The following PLEKHG3 variants were observed in gnomAD, a reference collection of about 807,000 sequenced individuals.
The protein encoded by PLEKHG3 is pleckstrin homology and RhoGEF domain containing G3.
Under a neutral mutation model 94.9 loss-of-function variants are expected in PLEKHG3, and 62 were observed. That is an observed-to-expected ratio of 0.65 (90% CI 0.53 to 0.81). The LOEUF (loss-of-function observed/expected upper bound fraction) is 0.81, where lower values mean the gene tolerates loss of function less well. Ranked by LOEUF, PLEKHG3 falls within the 30% of genes least tolerant of loss-of-function variation. PLEKHG3 has a pLI of 0.00. For synonymous variants in PLEKHG3, 614 were observed against 654.0 expected (o/e 0.94, Z 0.93); for missense variants, 1,461 against 1,619.3 (o/e 0.90, Z 1.68).
chr14:64,711,513 A>G lies in PLEKHG3; in HGVS notation c.-40+6809A>G, dbSNP rs187524093. 1.3e-4 allele frequency among the ~76,000 whole-genome samples: 19 copies of G among 150,898 alleles called. No individual in the cohort carries two copies. The East Asian group carries it at 3.3e-3, about 26-fold the overall frequency. ...ACTGCAAGCTCCGTCTCCCGTGTTC[A>G]TGCCATTCTCCTGCCTCAGCCTCCC... On this transcript the variant is annotated intron_variant, in intron 1 of 16. Transcript: ENST00000247226.
chr14:64,742,847 T>G, intron 16 of PLEKHG3, 135 bp from the exon 17 acceptor site: 68 of 777,548 alleles, frequency 8.7e-5, no homozygotes, highest in Non-Finnish European at 1.4e-4. Context: ...GGATGGTAAG[T>G]GAGATTTCTC....
intron 1 of PLEKHG3, among the ~76,000 whole-genome samples, chr14:64,714,303 A>G (rs1186559433): frequency 6.6e-6 from 1 of 152,136 alleles, no homozygotes; most frequent in Non-Finnish European, 1.5e-5. Context: ...GGTAGAGGAA[A>G]AGACTGTTGG....
intron 14 of PLEKHG3, chr14:64,737,925 C>T: frequency 8.2e-7 from 1 of 1,218,046 alleles, no homozygotes; most frequent in South Asian, 1.5e-5. Context: ...GGGCCTGCAG[C>T]CAGAGGCTGA....
chr14:64,722,461 C>T lies in PLEKHG3; in HGVS notation c.-39-5132C>T, dbSNP rs768832446. ...TCTCAAACTCCTGACCAAAGGTGAT[C>T]CGCCCACCTCGGCCTCCCAAAGTGC... On this transcript the variant is annotated intron_variant, in intron 1 of 16. Transcript: ENST00000247226. This position sits in a 1 kb window ranked among gnomAD's most constrained non-coding sequence, Gnocchi z 4.3. Among the ~76,000 whole-genome samples, 1 of 152,170 alleles carries T rather than the reference C, an allele frequency of 6.6e-6. No homozygotes were observed. The highest frequency in any genetic ancestry group is 1.5e-5 in the Non-Finnish European group (1 of 68,034).
chr14:64,719,440 A>G (rs558408916), intron 1 of PLEKHG3, among the ~76,000 whole-genome samples: 47 of 152,146 alleles, frequency 3.1e-4, no homozygotes, highest in Non-Finnish European at 6.0e-4. Context: ...TCAGGTTGGC[A>G]GTATTACTGT....
At position 64,721,628 on chromosome 14, in the gene PLEKHG3, G is replaced by A. The variant is rs1054870662; in HGVS notation, c.-39-5965G>A. ...TGGCACAGCCTCTGCAGGCAGTCAC[G>A]TTGCTCACATGCACACAAAGTCACT... is the stretch of plus-strand genomic sequence containing the variant. On this transcript the variant is annotated intron_variant, in intron 1 of 16. Transcript: ENST00000247226. This position sits in a 1 kb window ranked among gnomAD's most constrained non-coding sequence, Gnocchi z 4.3. Among the ~76,000 whole-genome samples, 2 of 152,066 alleles carry A rather than the reference G, an allele frequency of 1.3e-5. No homozygotes were observed. The highest frequency in any genetic ancestry group is 2.9e-5 in the Non-Finnish European group (2 of 68,020).
At position 64,707,738 on chromosome 14, in the gene PLEKHG3, G is replaced by T. The variant is rs551527594; in HGVS notation, c.-40+3034G>T. Among the ~76,000 whole-genome samples, 11 of 152,342 alleles carry T rather than the reference G, an allele frequency of 7.2e-5. No individual in the cohort carries two copies. The East Asian group carries it at 2.1e-3, about 29-fold the overall frequency. On this transcript the variant is annotated intron_variant, in intron 1 of 16. Coordinates refer to ENST00000247226, the MANE Select transcript of PLEKHG3 (RefSeq NM_001308147.2). ...GCTGCCTTTTCTAACTTGAAGCCCA[G>T]TTCATCCCACTGTGGCATCGAGGAA...
Position 64,721,506 on chromosome 14 carries a change from G to A in PLEKHG3, c.-39-6087G>A, listed in dbSNP as rs2081261530. 1.3e-5 allele frequency among the ~76,000 whole-genome samples: 2 copies of A among 152,196 alleles called. No individual in the cohort carries two copies. Among genetic ancestry groups the A allele is most frequent in the South Asian group, 4.1e-4 (2 of 4,832 alleles). On this transcript the variant is annotated intron_variant, in intron 1 of 16. Transcript: ENST00000247226. The surrounding 1 kb of genome is among the most constrained non-coding windows in gnomAD (Gnocchi z 4.3). ...GACCCAGCCAGACTACATGGGCCCTGCTGCTCTTAGGTGGTGGGAAAATGC... is the reference window on the plus strand; with the variant it reads ...GACCCAGCCAGACTACATGGGCCCTACTGCTCTTAGGTGGTGGGAAAATGC...
At position 64,745,088 on chromosome 14, in the gene PLEKHG3, T is replaced by C. The variant is rs2081809499; in HGVS notation, c.*1385T>C. On this transcript the variant is annotated 3_prime_UTR_variant, in exon 17 of 17. Coordinates refer to ENST00000247226, the MANE Select transcript of PLEKHG3 (RefSeq NM_001308147.2). This position sits in a 1 kb window ranked among gnomAD's most constrained non-coding sequence, Gnocchi z 5.0. ...ACTGCATGCGGCTGAAGGTAAGGAT[T>C]CTAAACTCGGAGACTAGAAATGTCC... is the stretch of plus-strand genomic sequence containing the variant. 1 of 152,156 alleles carries C rather than the reference T, an allele frequency of 6.6e-6. No homozygotes were observed. Among genetic ancestry groups the C allele is most frequent in the Non-Finnish European group, 1.5e-5 (1 of 68,028 alleles). The allele number at this position is 152,156 out of a possible 1,614,324, so 9.4% of individuals were successfully genotyped here.
At position 64,730,009 on chromosome 14, in the gene PLEKHG3, C is replaced by T. The variant is rs1397423216; in HGVS notation, c.450-234C>T. ...GGGTATGGGGGTCCCCTCTTCATCT[C>T]CCTCTTGTTGAGCCTGTAGGTCTCC... On this transcript the variant is annotated intron_variant, in intron 3 of 16. Coordinates refer to ENST00000247226, the MANE Select transcript of PLEKHG3 (RefSeq NM_001308147.2). The surrounding 1 kb of genome is among the most constrained non-coding windows in gnomAD (Gnocchi z 5.4). Among the ~76,000 whole-genome samples, 1 of 152,224 alleles carries T rather than the reference C, an allele frequency of 6.6e-6. No homozygotes were observed. The highest frequency in any genetic ancestry group is 6.5e-5 in the Admixed American group (1 of 15,278).
intron 1 of PLEKHG3, among the ~76,000 whole-genome samples, chr14:64,713,760 A>C (rs905147248): frequency 1.4e-5 from 2 of 145,010 alleles, no homozygotes; most frequent in African/African-American, 5.1e-5. Context: ...ACCTTCCCCC[A>C]TTTCCTTTTT....
rs1381282664 is a variant in PLEKHG3, at chr14:64,709,175, G to T, written c.-40+4471G>T. 2.0e-5 allele frequency among the ~76,000 whole-genome samples: 3 copies of T among 152,228 alleles called. 1 individual carries two copies. The highest frequency in any genetic ancestry group is 4.1e-4 in the South Asian group (2 of 4,838). On this transcript the variant is annotated intron_variant, in intron 1 of 16. Transcript: ENST00000247226. Reference sequence around the variant, plus strand: ...CTCATCTTTGTGCCCAGACAGCATTGAGAATGGTACAAAGTGTGATCAACA... The same window carrying T: ...CTCATCTTTGTGCCCAGACAGCATTTAGAATGGTACAAAGTGTGATCAACA...
chr14:64,723,647 C>T lies in PLEKHG3; in HGVS notation c.-39-3946C>T, dbSNP rs2081302952. On this transcript the variant is annotated intron_variant, in intron 1 of 16. Coordinates refer to ENST00000247226, the MANE Select transcript of PLEKHG3 (RefSeq NM_001308147.2). The surrounding 1 kb of genome is among the most constrained non-coding windows in gnomAD (Gnocchi z 4.5). ...CCCCGAGTAGCTGGGATTACAGGCA[C>T]CTGCCACTATGCCCAGCTAATTTTT... 1.3e-5 allele frequency: 2 copies of T among 152,102 alleles called. No individual in the cohort carries two copies. The highest frequency in any genetic ancestry group is 4.1e-4 in the South Asian group (2 of 4,828). 9.4% of individuals were successfully genotyped at this position (152,102 alleles called of 1,614,324 possible). A position where few individuals can be genotyped will look rare whatever the true frequency, so the allele number is the denominator to read the frequency against.
Position 64,731,209 on chromosome 14 carries a change from G to T in PLEKHG3, c.849+40G>T. On this transcript the variant is annotated intron_variant, in intron 7 of 16. Coordinates refer to ENST00000247226, the MANE Select transcript of PLEKHG3 (RefSeq NM_001308147.2). The surrounding 1 kb of genome is among the most constrained non-coding windows in gnomAD (Gnocchi z 6.1). ...GGACGCTGGGGGAGGGGCAGGGCTG[G>T]GTGGGCCAGGCTTCCGCTGGGAAGA... 6.4e-7 allele frequency: 1 copy of T among 1,561,162 alleles called. No homozygotes were observed. The highest frequency in any genetic ancestry group is 8.8e-7 in the Non-Finnish European group (1 of 1,139,302).
In PLEKHG3 at chr14:64,704,843, C is replaced by G. The variant is rs1251970237; in HGVS notation, c.-40+139C>G. 2 of 152,588 alleles carry G rather than the reference C, an allele frequency of 1.3e-5. No homozygotes were observed. The highest frequency in any genetic ancestry group is 4.8e-5 in the African/African-American group (2 of 41,588). The allele number at this position is 152,588 out of a possible 1,614,324, so 9.5% of individuals were successfully genotyped here. A position where few individuals can be genotyped will look rare whatever the true frequency, so the allele number is the denominator to read the frequency against. On this transcript the variant is annotated intron_variant, in intron 1 of 16. Coordinates refer to ENST00000247226, the MANE Select transcript of PLEKHG3 (RefSeq NM_001308147.2). This position sits in a 1 kb window ranked among gnomAD's most constrained non-coding sequence, Gnocchi z 5.6. ...CCTGCGGGGTGAGGACCGGGGCGAC[C>G]GAGGAGGGCCTGGAACTGTGTTGGC...
chr14:64,719,075 G>A (rs1233823710), intron 1 of PLEKHG3, among the ~76,000 whole-genome samples: 2 of 152,150 alleles, frequency 1.3e-5, no homozygotes, highest in Non-Finnish European at 2.9e-5. Context: ...CTCCTGTTGG[G>A]TATGGGTGTC....
chr14:64,730,561 G>T lies in PLEKHG3; in HGVS notation c.520-81G>T. On this transcript the variant is annotated intron_variant, in intron 4 of 16. Coordinates refer to ENST00000247226, the MANE Select transcript of PLEKHG3 (RefSeq NM_001308147.2). This position sits in a 1 kb window ranked among gnomAD's most constrained non-coding sequence, Gnocchi z 5.4. The stretch of plus-strand genomic sequence containing the variant: ...AACAGGGGACAGAGGGTGCTCTGGG[G>T]GCCAGGGGCCTATCTGCTACCACCA... The T allele has an allele frequency of 8.6e-7, 1 of 1,169,532 alleles. No homozygotes were observed. The highest frequency in any genetic ancestry group is 1.3e-5 in the South Asian group (1 of 79,222). 72.4% of individuals were successfully genotyped at this position (1,169,532 alleles called of 1,614,324 possible). A position where few individuals can be genotyped will look rare whatever the true frequency, so the allele number is the denominator to read the frequency against.
chr14:64,711,202 C>T (rs1326721488), intron 1 of PLEKHG3, among the ~76,000 whole-genome samples: 2 of 152,124 alleles, frequency 1.3e-5, no homozygotes, highest in Admixed American at 6.5e-5. Context: ...TTGGAGCCCG[C>T]TCTTAGCCCT....
chr14:64,725,948 A>G lies in PLEKHG3; in HGVS notation c.-39-1645A>G, dbSNP rs1222467327. 6.6e-6 allele frequency among the ~76,000 whole-genome samples: 1 copy of G among 152,196 alleles called. No homozygotes were observed. The highest frequency in any genetic ancestry group is 1.5e-5 in the Non-Finnish European group (1 of 68,048). On this transcript the variant is annotated intron_variant, in intron 1 of 16. Transcript: ENST00000247226. This position sits in a 1 kb window ranked among gnomAD's most constrained non-coding sequence, Gnocchi z 5.0. ...TTTTTAGTAACTAATGGTGTAGGGC[A>G]GAGGGTCTCAAACTAGTCACACTGT...
Sources: gnomAD v4.1 joint callset for allele counts (sites outside exome capture counted in the v4.1 genomes callset) on GRCh38, gnomAD v4.1.1 for gene constraint, Gnocchi (gnomAD v3.1) non-coding constraint, MANE v1.5 for transcripts, NCBI Gene and HGNC (gene_info 2026-07-23, HGNC 2026-07-21) for gene names.